The following HAP1 variants were observed in gnomAD, a reference collection of about 807,000 sequenced individuals.
The protein encoded by HAP1 is huntingtin associated protein 1.
HAP1 carries 59 observed loss-of-function variants against 60.3 expected under a neutral mutation model. The ratio of observed to expected loss-of-function variants is 0.98; its 90% CI spans 0.79 to 1.22. The LOEUF (loss-of-function observed/expected upper bound fraction) is 1.22. HAP1 is among the 50% of genes most tolerant of loss of function. The pLI is 0.00. For synonymous variants in HAP1, 346 were observed against 330.6 expected (o/e 1.05, Z -0.50); for missense variants, 825 against 785.3 (o/e 1.05, Z -0.60).
intron 1 of HAP1, among the ~76,000 whole-genome samples, chr17:41,733,491 C>T (rs1173727611): frequency 2.0e-5 from 3 of 151,034 alleles, no homozygotes; most frequent in Non-Finnish European, 2.9e-5. Context: ...GAAGTACAGC[C>T]TCAGACTGGC....
chr17:41,734,645 C>T (rs539195130), upstream of HAP1: 38 of 1,468,332 alleles, frequency 2.6e-5, no homozygotes, highest in African/African-American at 4.9e-4. Flanking sequence ...CTCGAGTCTG[C>T]CGTCCGCTGC....
At position 41,728,190 on chromosome 17, in the gene HAP1, AC is replaced by A; in HGVS notation, c.1200+10del. ...GCCACGACAAGAGGGTTCCACACAC[AC>A]CCGACTCACCATCCGGCAGCGCTGC... On this transcript the variant is annotated intron_variant, in intron 7 of 10. Transcript: ENST00000347901. 1 of 1,608,524 alleles carries A rather than the reference AC, an allele frequency of 6.2e-7. No individual in the cohort carries two copies. Among genetic ancestry groups the A allele is most frequent in the Non-Finnish European group, 8.5e-7 (1 of 1,179,948 alleles).
At chr17:41,721,479 C>G (rs1555587041), downstream of HAP1, 2 of 163,770 alleles carry the variant, frequency 1.2e-5, no homozygotes, top group African/African-American at 4.8e-5. Context: ...TCAGTGGTCT[C>G]TGGTCCACAA....
At position 41,731,998 on chromosome 17, in the gene HAP1, G is replaced by A. The variant is rs1555591156; in HGVS notation, c.835C>T (p.Gln279Ter). 4.6e-6 allele frequency: 6 copies of A among 1,317,458 alleles called. No individual in the cohort carries two copies. In the South Asian group the frequency reaches 7.2e-5, roughly 16 times the overall value. The allele number at this position is 1,317,458 out of a possible 1,614,324, so 81.6% of individuals were successfully genotyped here. Residue 279 changes from glutamine to a stop codon, truncating the protein, a stop_gained, in exon 4 of 11, where the codon CAG becomes TAG. Transcript: ENST00000347901. LOFTEE classifies it high-confidence loss of function. ...TCTTCCTCTGCTTCTTCTTCTTCCT[G>A]TTCCTCTTCTGCCTCCTTTTCTTCC... ...EEEEKEAEEE[Q>*]EEEEAEEDLQ... is the part of the protein sequence containing the mutation.
chr17:41,726,804 A>C (rs1282286908), intron 9 of HAP1, among the ~76,000 whole-genome samples: 2 of 152,066 alleles, frequency 1.3e-5, no homozygotes, highest in Non-Finnish European at 2.9e-5. Context: ...CAGAGGTTGC[A>C]GTGAGCCAAG....
In HAP1 at chr17:41,728,243, C is replaced by G; in HGVS notation, c.1158G>C (p.Arg386=). 1 of 1,613,298 alleles carries G rather than the reference C, an allele frequency of 6.2e-7. No homozygotes were observed. Among genetic ancestry groups the G allele is most frequent in the Non-Finnish European group, 8.5e-7 (1 of 1,180,030 alleles). The stretch of plus-strand genomic sequence containing the variant: ...GCAGCTTCAGCACCTGGGCCTGCAG[C>G]CGAGCGACCTCCTGCTGCTGCCGTT... The part of the protein sequence containing the change: ...NYERQQQEVA[R]LQAQVLKLQQ... The change falls in exon 7 of 11, where the codon CGG becomes CGC. Residue 386 remains arginine (R), a synonymous_variant. Transcript: ENST00000347901.
chr17:41,732,053 A>T lies in HAP1; in HGVS notation c.780T>A (p.Asp260Glu). The change falls in exon 4 of 11, where the codon GAT becomes GAA. Residue 260 changes from aspartate to glutamate, a missense_variant. Asp to Glu is a conservative substitution (Grantham distance 45). Transcript: ENST00000347901. The part of the protein sequence containing the change: ...DELLQLYSDS[D>E]EEDEDEEEEE... ...CCTCTTCTTCATCCTCATCCTCCTCATCAGAATCTGAGTAGAGCTGGAGGA... is the reference window on the plus strand; with the variant it reads ...CCTCTTCTTCATCCTCATCCTCCTCTTCAGAATCTGAGTAGAGCTGGAGGA... 3 of 1,604,834 alleles carry T rather than the reference A, an allele frequency of 1.9e-6. No individual in the cohort carries two copies. Among genetic ancestry groups the T allele is most frequent in the Non-Finnish European group, 2.6e-6 (3 of 1,171,742 alleles).
Position 41,731,992 on chromosome 17 carries a change from C to T in HAP1, c.841G>A (p.Glu281Lys), listed in dbSNP as rs1555591150. Residue 281 changes from glutamate to lysine, a missense_variant, in exon 4 of 11, where the codon GAA (glutamate) becomes AAA (lysine). Glu to Lys is a moderately conservative substitution (Grantham distance 56, BLOSUM62 1). Transcript: ENST00000347901. ...EEKEAEEEQE[E>K]EEAEEDLQCA... ...TGCAGGTCTTCCTCTGCTTCTTCTTCTTCCTGTTCCTCTTCTGCCTCCTTT... is the reference window on the plus strand; with the variant it reads ...TGCAGGTCTTCCTCTGCTTCTTCTTTTTCCTGTTCCTCTTCTGCCTCCTTT... 1 of 1,280,182 alleles carries T rather than the reference C, an allele frequency of 7.8e-7. No homozygotes were observed. The allele number at this position is 1,280,182 out of a possible 1,614,324, so 79.3% of individuals were successfully genotyped here.
chr17:41,729,030 G>A (rs1015231380), intron 6 of HAP1, among the ~76,000 whole-genome samples: 5 of 151,934 alleles, frequency 3.3e-5, no homozygotes, highest in Non-Finnish European at 7.4e-5. Flanking sequence ...TGTAACTGCC[G>A]CCCGAGTCCA....
In HAP1 at chr17:41,728,210, G is replaced by C; in HGVS notation, c.1191C>G (p.Arg397=). Residue 397 remains arginine, a synonymous_variant, in exon 7 of 11, where the codon CGC becomes CGG. Coordinates refer to ENST00000347901, the MANE Select transcript of HAP1 (RefSeq NM_177977.3). ...LQAQVLKLQQ[R]CRMYGAETEK... ...CACACACCCGACTCACCATCCGGCA[G>C]CGCTGCTGCAGCTTCAGCACCTGGG... 1 of 1,611,898 alleles carries C rather than the reference G, an allele frequency of 6.2e-7. No homozygotes were observed. Among genetic ancestry groups the C allele is most frequent in the South Asian group, 1.1e-5 (1 of 91,088 alleles).
intron 1 of HAP1, 30 bp downstream of exon 1, chr17:41,734,136 C>A (rs781942377): frequency 3.3e-6 from 5 of 1,530,228 alleles, no homozygotes; most frequent in Admixed American, 1.9e-5. Flanking sequence ...CAGTCCCCAC[C>A]CGGTCCAGGA....
chr17:41,720,690 G>A (rs1461851452), downstream of HAP1: 2 of 152,162 alleles, frequency 1.3e-5, no homozygotes, highest in African/African-American at 4.8e-5. Context: ...CCAAGTGCAG[G>A]GCAGTTAAAT....
At position 41,734,542 on chromosome 17, in the gene HAP1, G is replaced by GGCT; in HGVS notation, c.90_92dup (p.Ala31dup). 6.2e-7 allele frequency: 1 copy of GGCT among 1,610,234 alleles called. No individual in the cohort carries two copies. The highest frequency in any genetic ancestry group is 8.5e-7 in the Non-Finnish European group (1 of 1,179,366). ...GCGCAGAGGGCTCCGGAGCGGGACT[G>GGCT]GCTGAGGGCGAAGGTGCACAGGTGA... On this transcript the variant is annotated inframe_insertion, in exon 1 of 11. Transcript: ENST00000347901.
In HAP1 at chr17:41,734,615, C is replaced by T. The variant is rs782505454; in HGVS notation, c.20G>A (p.Gly7Asp). The change falls in exon 1 of 11, where the codon GGC (glycine) becomes GAC (aspartate). Residue 7 changes from glycine (G) to aspartate (D), a missense_variant. Coordinates refer to ENST00000347901, the MANE Select transcript of HAP1 (RefSeq NM_177977.3). ...GAGCCGGCTCCCCGCGCAGCACCGG[C>T]CCAACCTCTTCGGGCGCATCTCGAG... MRPKRLGRCCAGSRLGP... is the reference protein window; with the variant it reads MRPKRLDRCCAGSRLGP... 4.5e-6 allele frequency: 7 copies of T among 1,549,230 alleles called. No homozygotes were observed. The Admixed American group carries it at 5.6e-5, about 12-fold the overall frequency.
At chr17:41,726,971 G>A (rs1555588978) in intron 9 of HAP1, 82 bp downstream of exon 9, 2 of 701,568 alleles carry the variant, frequency 2.9e-6, no homozygotes, top group Non-Finnish European at 5.0e-6. Context: ...AAGCGTGGAA[G>A]GTCAGAGTGT....
At chr17:41,729,688 C>A (rs1205395629) in intron 6 of HAP1, among the ~76,000 whole-genome samples, 1 of 149,722 alleles carries the variant, frequency 6.7e-6, no homozygotes, top group Non-Finnish European at 1.5e-5. Context: ...CCAACCTGGC[C>A]AACATGGTGA....
rs1555592319 is a variant in HAP1, at chr17:41,734,569, T to C, written c.66A>G (p.Ala22=). 3 of 1,599,508 alleles carry C rather than the reference T, an allele frequency of 1.9e-6. No individual in the cohort carries two copies. The highest frequency in any genetic ancestry group is 2.6e-6 in the Non-Finnish European group (3 of 1,174,164). ...CTGAGGGCGAAGGTGCACAGGTGAG[T>C]GCTGCTGGGTCCCCGGGTCCGAGCC... ...GSRLGPGDPA[A]LTCAPSPSAS... The change falls in exon 1 of 11, where the codon GCA becomes GCG. Residue 22 remains alanine, a synonymous_variant. Coordinates refer to ENST00000347901, the MANE Select transcript of HAP1 (RefSeq NM_177977.3).
At chr17:41,718,300 G>A (rs1911063019), downstream of HAP1, 7 of 200,878 alleles carry the variant, frequency 3.5e-5, no homozygotes, top group South Asian at 5.9e-4. Flanking sequence ...GCAAGATAAA[G>A]GACAGCAATT....
In HAP1 at chr17:41,724,653, C is replaced by T. The variant is rs560765169; in HGVS notation, c.*48G>A. ...ATGCAAATAAGCACAGCAGGTAGAGCCAGGCTGGGGCAGGTGAGCACTCGG... is the reference window on the plus strand; with the variant it reads ...ATGCAAATAAGCACAGCAGGTAGAGTCAGGCTGGGGCAGGTGAGCACTCGG... On this transcript the variant is annotated 3_prime_UTR_variant, in exon 11 of 11. Coordinates refer to ENST00000347901, the MANE Select transcript of HAP1 (RefSeq NM_177977.3). 1.4e-6 allele frequency: 2 copies of T among 1,388,834 alleles called. No homozygotes were observed. The allele number at this position is 1,388,834 out of a possible 1,614,324, so 86.0% of individuals were successfully genotyped here.
Sources: gnomAD v4.1 joint callset for allele counts (sites outside exome capture counted in the v4.1 genomes callset) on GRCh38, gnomAD v4.1.1 for gene constraint, MANE v1.5 for transcripts, NCBI Gene and HGNC (gene_info 2026-07-23, HGNC 2026-07-21) for gene names.